The following SPOCK1 variants were observed in gnomAD, a reference collection of about 807,000 sequenced individuals.
SPOCK1 encodes testican-1.
SPOCK1 carries 23 observed loss-of-function variants against 55.3 expected under a neutral mutation model. The observed-to-expected ratio is 0.42, with a 90% CI of 0.30 to 0.59. The LOEUF is 0.59. Among genes scored for constraint, SPOCK1 ranks in the 20% least tolerant of loss-of-function variants. The pLI is 0.22. For missense variants in SPOCK1, 499 were observed against 552.5 expected, an observed-to-expected ratio of 0.90 and a Z score of 0.97; for synonymous variants, 226 against 221.0, an observed-to-expected ratio of 1.02 and a Z score of -0.20.
intron 3 of SPOCK1, among the ~76,000 whole-genome samples, chr5:137,195,380 T>C (rs1188322733): frequency 3.3e-5 from 5 of 152,226 alleles, no homozygotes; most frequent in Non-Finnish European, 7.3e-5. Flanking sequence ...CAGAATCTCA[T>C]AGACATTTAC....
intron 2 of SPOCK1, among the ~76,000 whole-genome samples, chr5:137,397,710 C>T (rs1369720274): frequency 6.6e-6 from 1 of 152,096 alleles, no homozygotes; most frequent in African/African-American, 2.4e-5. Context: ...AGTCACTTAC[C>T]CTCTCTGAGA....
At chr5:137,149,188 T>C (rs1388558764) in intron 3 of SPOCK1, among the ~76,000 whole-genome samples, 2 of 152,156 alleles carry the variant, frequency 1.3e-5, no homozygotes, top group African/African-American at 4.8e-5. Flanking sequence ...CCGTGAGGGG[T>C]TTCTGTGAAG....
chr5:137,120,755 T>G (rs754997627), intron 4 of SPOCK1, among the ~76,000 whole-genome samples: 11 of 152,188 alleles, frequency 7.2e-5, no homozygotes, highest in African/African-American at 7.2e-5. Flanking sequence ...GTTCAAAATC[T>G]AAAAAGGAAA....
chr5:137,212,292 G>GTGTGTTGAT (rs1232469497), intron 3 of SPOCK1, among the ~76,000 whole-genome samples: 1 of 152,146 alleles, frequency 6.6e-6, no homozygotes, highest in African/African-American at 2.4e-5. Context: ...AGTGTGTTGA[G>GTGTGTTGAT]TGTGTTGAGA....
At chr5:137,262,740 G>C (rs1189844581) in intron 3 of SPOCK1, among the ~76,000 whole-genome samples, 1 of 152,214 alleles carries the variant, frequency 6.6e-6, no homozygotes, top group Non-Finnish European at 1.5e-5. Flanking sequence ...GCCCGTGTCA[G>C]TGTAGCTCCG....
intron 3 of SPOCK1, among the ~76,000 whole-genome samples, chr5:137,231,089 G>A (rs1236990031): frequency 6.6e-6 from 1 of 151,690 alleles, no homozygotes; most frequent in Non-Finnish European, 1.5e-5. Context: ...TGTCCCCCAG[G>A]CTGGAGTATA....
intron 2 of SPOCK1, among the ~76,000 whole-genome samples, chr5:137,483,610 C>G (rs1389040280): frequency 6.6e-6 from 1 of 152,204 alleles, no homozygotes; most frequent in Admixed American, 6.5e-5. Context: ...AACTGTATCT[C>G]TAGGCCAGCA....
chr5:137,174,533 G>A (rs539176858), intron 3 of SPOCK1, among the ~76,000 whole-genome samples: 3 of 152,188 alleles, frequency 2.0e-5, no homozygotes, highest in Non-Finnish European at 4.4e-5. Context: ...TGCAGTCAGC[G>A]GTCCTGACAC....
chr5:137,241,616 T>C (rs1257933302), intron 3 of SPOCK1, among the ~76,000 whole-genome samples: 1 of 152,134 alleles, frequency 6.6e-6, no homozygotes, highest in Non-Finnish European at 1.5e-5. Context: ...GAATGTCAAT[T>C]ATAAAAGGAT....
At chr5:137,179,589 C>T (rs1754927196) in intron 3 of SPOCK1, among the ~76,000 whole-genome samples, 1 of 152,056 alleles carries the variant, frequency 6.6e-6, no homozygotes, top group East Asian at 1.9e-4. Flanking sequence ...ACCAAAAATT[C>T]CCCCCGGTAG....
intron 2 of SPOCK1, among the ~76,000 whole-genome samples, chr5:137,473,194 T>C (rs1753772185): frequency 6.6e-6 from 1 of 152,140 alleles, no homozygotes; most frequent in Non-Finnish European, 1.5e-5. Context: ...CCGGAAAATG[T>C]TCAAACAACC....
chr5:137,154,663 C>T (rs548242009), intron 3 of SPOCK1, among the ~76,000 whole-genome samples: 87 of 152,298 alleles, frequency 5.7e-4, no homozygotes, highest in African/African-American at 1.9e-3. Context: ...TTCATCAGCA[C>T]CAATGGGCTG....
intron 2 of SPOCK1, among the ~76,000 whole-genome samples, chr5:137,303,154 A>G (rs1312268981): frequency 2.6e-5 from 4 of 152,138 alleles, no homozygotes; most frequent in African/African-American, 9.7e-5. Flanking sequence ...TTATTGTACA[A>G]AGAGGCAAGC....
intron 3 of SPOCK1, among the ~76,000 whole-genome samples, chr5:137,235,825 A>T (rs1272594085): frequency 6.6e-6 from 1 of 152,268 alleles, no homozygotes; most frequent in Non-Finnish European, 1.5e-5. Flanking sequence ...CAGGCAGCTC[A>T]CATAGGTGGT....
At chr5:137,352,964 C>T (rs929425485) in intron 2 of SPOCK1, among the ~76,000 whole-genome samples, 1 of 152,152 alleles carries the variant, frequency 6.6e-6, no homozygotes, top group Non-Finnish European at 1.5e-5. Context: ...ACACAAAGTC[C>T]TTTTGATGGC....
chr5:137,340,195 T>C (rs541110450), intron 2 of SPOCK1, among the ~76,000 whole-genome samples: 1 of 152,276 alleles, frequency 6.6e-6, no homozygotes, highest in South Asian at 2.1e-4. Flanking sequence ...CCCGGTTTGT[T>C]TCAAGAAAGG....
intron 3 of SPOCK1, among the ~76,000 whole-genome samples, chr5:137,238,607 C>T (rs903542080): frequency 6.6e-6 from 1 of 152,114 alleles, no homozygotes; most frequent in African/African-American, 2.4e-5. Context: ...ATCAGTAAAT[C>T]CATCAAACCA....
chr5:137,077,315 T>A (rs1353681217), intron 5 of SPOCK1, among the ~76,000 whole-genome samples: 1 of 152,158 alleles, frequency 6.6e-6, no homozygotes, highest in Admixed American at 6.5e-5. Flanking sequence ...CAGTGAGGGG[T>A]TTGGCAAAGC....
At chr5:137,054,482 G>A (rs1752266774) in intron 6 of SPOCK1, among the ~76,000 whole-genome samples, 1 of 152,196 alleles carries the variant, frequency 6.6e-6, no homozygotes, top group Admixed American at 6.5e-5. Flanking sequence ...AAGACAGAAA[G>A]CAAAGGCAGC....
Sources: allele counts gnomAD v4.1 joint callset (sites outside exome capture counted in the v4.1 genomes callset), GRCh38; gene constraint gnomAD v4.1.1; transcripts MANE v1.5; gene names NCBI Gene and HGNC (gene_info 2026-07-23, HGNC 2026-07-21).